The following TTLL12 variants were observed in gnomAD, a reference collection of about 807,000 sequenced individuals.
The protein encoded by TTLL12 is tubulin--tyrosine ligase-like protein 12.
Under a neutral mutation model 79.6 loss-of-function variants are expected in TTLL12, and 77 were observed. The observed-to-expected ratio is 0.97, with a 90% CI of 0.81 to 1.17. The LOEUF (loss-of-function observed/expected upper bound fraction) is 1.17. Ranked by LOEUF, TTLL12 falls within the 50% of genes most tolerant of loss-of-function variation. The probability of loss-of-function intolerance (pLI) is 0.00; values close to 1 mark genes in which losing one functional copy is unlikely to be tolerated. For synonymous variants in TTLL12, 437 were observed against 376.1 expected (o/e 1.16, Z -1.87); for missense variants, 969 against 895.9 (o/e 1.08, Z -1.04).
In TTLL12 at chr22:43,173,706, G is replaced by T; in HGVS notation, c.1341+9C>A. On this transcript the variant is annotated intron_variant, in intron 9 of 13. Coordinates refer to ENST00000216129, the MANE Select transcript of TTLL12 (RefSeq NM_015140.4). ...CTGAGCCCTGGGGCTCCTGGTCTGC[G>T]GGGCCCACCTTGGGGGTGCTCTCTC... The T allele has an allele frequency of 6.3e-7, 1 of 1,599,698 alleles. No individual in the cohort carries two copies. Among genetic ancestry groups the T allele is most frequent in the Non-Finnish European group, 8.5e-7 (1 of 1,179,416 alleles).
rs1189054032 is a variant in TTLL12 at position 43,174,246 on chromosome 22, G to A, written c.1192C>T (p.Pro398Ser). The change falls in exon 8 of 14, where the codon CCC becomes TCC. Residue 398 changes from proline (P) to serine (S), a missense_variant. Physicochemically the swap from Pro to Ser is moderately conservative, Grantham distance 74. Transcript: ENST00000216129. ...PRTFNLRTELPQFVSYFQQRE... is the reference protein window; with the variant it reads ...PRTFNLRTELSQFVSYFQQRE... ...TGCTGGAAGTAGCTGACAAACTGGG[G>A]CAGCTCAGTGCGCAGGTTGAAGGTT... is the stretch of plus-strand genomic sequence containing the variant. The A allele has an allele frequency of 6.2e-7, 1 of 1,607,858 alleles. No homozygotes were observed. The highest frequency in any genetic ancestry group is 8.5e-7 in the Non-Finnish European group (1 of 1,179,878).
intron 10 of TTLL12, 113 bp downstream of exon 10, chr22:43,172,290 G>A (rs1931785702): frequency 7.5e-7 from 1 of 1,332,864 alleles, no homozygotes. Flanking sequence ...GTGAGTGATG[G>A]AGGGTGCCTT....
intron 6 of TTLL12, among the ~76,000 whole-genome samples, chr22:43,174,972 TCA>T (rs1162955229): frequency 1.3e-5 from 2 of 152,236 alleles, no homozygotes; most frequent in African/African-American, 4.8e-5. Flanking sequence ...GCCACCAATC[TCA>T]GACAGGCACA....
At chr22:43,168,194 C>T (rs772881084) in intron 13 of TTLL12, 35 bp from the exon 14 acceptor site, 11 of 1,604,506 alleles carry the variant, frequency 6.9e-6, no homozygotes, top group African/African-American at 6.7e-5. Context: ...TGTGAAGGCT[C>T]GTTGGCCTCC....
At chr22:43,168,980 C>T in intron 12 of TTLL12, 68 bp from the exon 13 acceptor site, 2 of 1,517,668 alleles carry the variant, frequency 1.3e-6, no homozygotes, top group South Asian at 1.3e-5. Flanking sequence ...GTCTGCTGCC[C>T]CTGCCCAAGT....
At chr22:43,180,981 TG>T (rs1569486633) in intron 2 of TTLL12, 41 bp from the exon 3 acceptor site, 2 of 1,592,306 alleles carry the variant, frequency 1.3e-6, no homozygotes, top group East Asian at 4.5e-5. Flanking sequence ...CGGGTGGGCA[TG>T]GGGCAAAGGG....
chr22:43,167,967 G>A lies in TTLL12; in HGVS notation c.*41C>T. 6.3e-7 allele frequency: 1 copy of A among 1,597,954 alleles called. No homozygotes were observed. The highest frequency in any genetic ancestry group is 8.6e-7 in the Non-Finnish European group (1 of 1,169,306). On this transcript the variant is annotated 3_prime_UTR_variant, in exon 14 of 14. Transcript: ENST00000216129. ...AGAAGCAGCTCAGAGAACTGAGGTT[G>A]GAATCCTGCCCCAAGCACAGGTTTT...
At chr22:43,186,198 C>CCCT (rs1555982136) in intron 1 of TTLL12, among the ~76,000 whole-genome samples, 1 of 148,576 alleles carries the variant, frequency 6.7e-6, no homozygotes, top group Non-Finnish European at 1.5e-5. Flanking sequence ...CACCCCCCCC[C>CCCT]CCGCCAGCCC....
In TTLL12 at chr22:43,166,699, G is replaced by A. The variant is rs9463; in HGVS notation, c.*1309C>T. 0.66 allele frequency: 100,655 copies of A among 152,526 alleles called. 33,845 individuals carry two copies. Among genetic ancestry groups the A allele is most frequent in the African/African-American group, 0.76 (31,787 of 41,556 alleles). The allele number at this position is 152,526 out of a possible 1,614,324, so 9.4% of individuals were successfully genotyped here. A position where few individuals can be genotyped will look rare whatever the true frequency, so the allele number is the denominator to read the frequency against. On this transcript the variant is annotated 3_prime_UTR_variant, in exon 14 of 14. Transcript: ENST00000216129. ...CAGCTCTCCAGGAGCTGCCAAAGGC[G>A]ACGGGCCCGCCCTGCCCCTGCAACA...
At chr22:43,178,136 G>A (rs1931960436) in intron 5 of TTLL12, among the ~76,000 whole-genome samples, 1 of 152,144 alleles carries the variant, frequency 6.6e-6, no homozygotes, top group African/African-American at 2.4e-5. Context: ...CCTTCCTGGT[G>A]CAGGGGCTCT....
chr22:43,176,841 C>T (rs575254927), intron 5 of TTLL12, among the ~76,000 whole-genome samples: 52 of 152,182 alleles, frequency 3.4e-4, no homozygotes, highest in African/African-American at 1.2e-3. Flanking sequence ...CCTCCCAACA[C>T]CCCAAAGCCT....
intron 11 of TTLL12, 90 bp from the exon 12 acceptor site, chr22:43,169,658 T>C (rs768051137): frequency 6.4e-5 from 89 of 1,390,252 alleles, no homozygotes; most frequent in Admixed American, 2.5e-4. Flanking sequence ...CAGGAGCTTC[T>C]GACACTGGGT....
chr22:43,172,334 T>C lies in TTLL12; in HGVS notation c.1493+69A>G. 6.9e-6 allele frequency: 11 copies of C among 1,584,700 alleles called. No homozygotes were observed. In the South Asian group the frequency reaches 1.0e-4, roughly 14 times the overall value. ...ATTTTCTGATTCCAAAAAGGGCCCA[T>C]CACCCACCCGCTACCTCCACCCGGT... is the stretch of plus-strand genomic sequence containing the variant. On this transcript the variant is annotated intron_variant, in intron 10 of 13. Transcript: ENST00000216129.
chr22:43,173,828 TG>T lies in TTLL12; in HGVS notation c.1230-3del. 2 of 1,601,658 alleles carry T rather than the reference TG, an allele frequency of 1.2e-6. No individual in the cohort carries two copies. On this transcript the variant is annotated splice_polypyrimidine_tract_variant and splice_region_variant and intron_variant, in intron 8 of 13. Coordinates refer to ENST00000216129, the MANE Select transcript of TTLL12 (RefSeq NM_015140.4). ...CAGATCCAGTGGTTGTCCTCGCCCC[TG>T]GGGAGCAGAAGGGCTGTCTGGGGGG...
At position 43,172,603 on chromosome 22, in the gene TTLL12, G is replaced by A. The variant is rs575716681; in HGVS notation, c.1342-49C>T. ...GCTGGTGGCCAGGACAGAGCCCCCT[G>A]GGGCTCCCGAGCACACAAAGCCACG... On this transcript the variant is annotated intron_variant, in intron 9 of 13. Transcript: ENST00000216129. 5 of 1,610,572 alleles carry A rather than the reference G, an allele frequency of 3.1e-6. No homozygotes were observed. The African/African-American group carries it at 6.7e-5, about 21-fold the overall frequency.
In TTLL12 at chr22:43,174,237, C is replaced by G; in HGVS notation, c.1201G>C (p.Val401Leu). The change falls in exon 8 of 14, where the codon GTC becomes CTC. Residue 401 changes from valine to leucine, a missense_variant. Transcript: ENST00000216129. ...CTTTCCCGCTGCTGGAAGTAGCTGA[C>G]AAACTGGGGCAGCTCAGTGCGCAGG... is the stretch of plus-strand genomic sequence containing the variant. ...FNLRTELPQF[V>L]SYFQQRERWG... 6.2e-7 allele frequency: 1 copy of G among 1,606,440 alleles called. No individual in the cohort carries two copies. The highest frequency in any genetic ancestry group is 8.5e-7 in the Non-Finnish European group (1 of 1,179,848).
At chr22:43,169,693 AC>A (rs1317660784) in intron 11 of TTLL12, 125 bp from the exon 12 acceptor site, 4 of 950,722 alleles carry the variant, frequency 4.2e-6, no homozygotes, top group Non-Finnish European at 6.6e-6. Context: ...CAGGCAGCCA[AC>A]CCCGAACCCT....
At chr22:43,186,447 A>G (rs1932188031) in intron 1 of TTLL12, among the ~76,000 whole-genome samples, 2 of 152,194 alleles carry the variant, frequency 1.3e-5, no homozygotes, top group African/African-American at 4.8e-5. Context: ...CGAGGCTCAA[A>G]TCAAATGAAA....
At chr22:43,169,860 G>C (rs1315743744) in intron 11 of TTLL12, 27 of 505,910 alleles carry the variant, frequency 5.3e-5, no homozygotes, top group Non-Finnish European at 3.1e-5. Context: ...GCAGCTGTGA[G>C]GCTCACGCGA....
Sources: allele counts gnomAD v4.1 joint callset (sites outside exome capture counted in the v4.1 genomes callset), GRCh38; gene constraint gnomAD v4.1.1; transcripts MANE v1.5; gene names NCBI Gene and HGNC (gene_info 2026-07-23, HGNC 2026-07-21).